Variants in TRIP11 observed in about 807,000 individuals in gnomAD.
TRIP11 encodes thyroid receptor-interacting protein 11.
Under a neutral mutation model 223.1 loss-of-function variants are expected in TRIP11, and 148 were observed. That is an observed-to-expected ratio of 0.66 (90% CI 0.58 to 0.76). TRIP11 has a LOEUF of 0.76. Ranked by LOEUF, TRIP11 falls within the 30% of genes least tolerant of loss-of-function variation. TRIP11 has a pLI of 0.00. For synonymous variants in TRIP11, 762 were observed against 772.6 expected (o/e 0.99, Z 0.23); for missense variants, 2,043 against 2,222.0 (o/e 0.92, Z 1.62).
intron 2 of TRIP11, 48 bp from the exon 3 acceptor site, chr14:92,025,468 T>A (rs1426743339): frequency 2.2e-6 from 3 of 1,339,920 alleles, no homozygotes; most frequent in Non-Finnish European, 2.1e-6. Flanking sequence ...GTAAAACATG[T>A]AATTAGTTAT....
At chr14:91,976,024 A>G (rs1448236381) in intron 17 of TRIP11, 84 bp downstream of exon 17, 20 of 1,336,466 alleles carry the variant, frequency 1.5e-5, no homozygotes, top group South Asian at 6.2e-5. Flanking sequence ...TTAATCACAT[A>G]TAAACATCTA....
chr14:92,017,976 C>G (rs1207166760), intron 4 of TRIP11, among the ~76,000 whole-genome samples: 3 of 151,922 alleles, frequency 2.0e-5, no homozygotes, highest in African/African-American at 7.3e-5. Flanking sequence ...GGGGGGACAA[C>G]AGTTTTACAA....
chr14:92,029,201 C>T (rs1010916117), intron 2 of TRIP11, among the ~76,000 whole-genome samples: 1 of 148,780 alleles, frequency 6.7e-6, no homozygotes, highest in African/African-American at 2.5e-5. Flanking sequence ...AACAAGAAAA[C>T]GGAAAACTTA....
chr14:91,998,482 CATGTACTGACATTCATATT>C (rs1237436147), intron 13 of TRIP11, among the ~76,000 whole-genome samples: 4 of 151,998 alleles, frequency 2.6e-5, no homozygotes, highest in Non-Finnish European at 5.9e-5. Flanking sequence ...CATGGCTTAA[CATGTACTGACATTCATATT>C]ATTGATAGAA....
rs1435066121 is a variant in TRIP11 at position 92,025,340 on chromosome 14, TGTA to T, written c.279_281del (p.Thr94del). The T allele has an allele frequency of 6.2e-7, 1 of 1,613,644 alleles. No homozygotes were observed. Among genetic ancestry groups the T allele is most frequent in the Non-Finnish European group, 8.5e-7 (1 of 1,179,898 alleles). ...TTTGTTGAAGTTGATTTCGGTAACTTGTAGATTGCTGCTTTATTTGAATCTCTG... is the reference window on the plus strand; with the variant it reads ...TTTGTTGAAGTTGATTTCGGTAACTTGATTGCTGCTTTATTTGAATCTCTG... On this transcript the variant is annotated inframe_deletion, in exon 3 of 21. Transcript: ENST00000267622.
intron 4 of TRIP11, among the ~76,000 whole-genome samples, chr14:92,019,312 T>C (rs150539938): frequency 2.8e-4 from 43 of 152,308 alleles, no homozygotes; most frequent in African/African-American, 9.6e-4. Flanking sequence ...TCACCAGGGC[T>C]ATTTGTTTAA....
intron 5 of TRIP11, 91 bp from the exon 6 acceptor site, chr14:92,015,952 T>A: frequency 8.0e-7 from 1 of 1,242,976 alleles, no homozygotes; most frequent in Non-Finnish European, 1.1e-6. Flanking sequence ...TGTGCATTAT[T>A]AAAAAGAATT....
chr14:92,005,169 T>C lies in TRIP11; in HGVS notation c.2807A>G (p.Gln936Arg). ...TCTAAACTCATCCATTTCCTTCTTT[T>C]GCTCTTGTAAAGACTGAAGTAGTTG... ...KMQLLQSLQE[Q>R]KKEMDEFRYQ... Residue 936 changes from glutamine (Q) to arginine (R), a missense_variant, in exon 11 of 21, where the codon CAA (glutamine) becomes CGA (arginine). Gln to Arg is a conservative substitution (Grantham distance 43). Coordinates refer to ENST00000267622, the MANE Select transcript of TRIP11 (RefSeq NM_004239.4). 1 of 1,613,922 alleles carries C rather than the reference T, an allele frequency of 6.2e-7. No individual in the cohort carries two copies. Among genetic ancestry groups the C allele is most frequent in the Non-Finnish European group, 8.5e-7 (1 of 1,180,034 alleles).
At chr14:91,971,514 A>G (rs1244456723) in intron 20 of TRIP11, among the ~76,000 whole-genome samples, 1 of 150,956 alleles carries the variant, frequency 6.6e-6, no homozygotes, top group African/African-American at 2.5e-5. Flanking sequence ...GGGGAAAGGT[A>G]GGAAAGAGGA....
intron 4 of TRIP11, among the ~76,000 whole-genome samples, chr14:92,019,480 G>T (rs967482220): frequency 1.3e-5 from 2 of 152,148 alleles, no homozygotes; most frequent in Non-Finnish European, 1.5e-5. Context: ...CCTCTCTAAA[G>T]CTTATTTTGG....
At chr14:92,033,398 T>A in intron 1 of TRIP11, 145 bp from the exon 2 acceptor site, 1 of 667,130 alleles carries the variant, frequency 1.5e-6, no homozygotes, top group Admixed American at 2.8e-5. Flanking sequence ...ATCGCTTTAT[T>A]TCCATAACAA....
In TRIP11 at chr14:91,976,641, C is replaced by A. The variant is rs144082581; in HGVS notation, c.5261-452G>T. ...TGAGCTGACTAAGAAGCGTATCTAA[C>A]ACAACTAAGACCATGGCTCAGGATG... is the stretch of plus-strand genomic sequence containing the variant. On this transcript the variant is annotated intron_variant, in intron 16 of 20. Transcript: ENST00000267622. Among the ~76,000 whole-genome samples, 291 of 152,254 alleles carry A rather than the reference C, an allele frequency of 1.9e-3. 7 individuals are homozygous for A. Among genetic ancestry groups the A allele is most frequent in the Admixed American group, 0.015 (226 of 15,284 alleles).
rs1472131979 is a variant in TRIP11, at chr14:92,007,710, C to T, written c.1457G>A (p.Ser486Asn). 1.2e-6 allele frequency: 2 copies of T among 1,613,598 alleles called. No homozygotes were observed. Among genetic ancestry groups the T allele is most frequent in the African/African-American group, 2.7e-5 (2 of 74,930 alleles). Residue 486 changes from serine (S) to asparagine (N), a missense_variant, in exon 10 of 21, where the codon AGT (serine) becomes AAT (asparagine). Transcript: ENST00000267622. Reference sequence around the variant, plus strand: ...TATCAGTGTTTCCTTTTCACTAATACTCTGATTGAGTTCTTGTTCCTTTGC... The same window carrying T: ...TATCAGTGTTTCCTTTTCACTAATATTCTGATTGAGTTCTTGTTCCTTTGC... ...LEAKEQELNQ[S>N]ISEKETLIAE... is the part of the protein sequence containing the mutation.
At chr14:92,012,886 G>C (rs2056989540) in intron 7 of TRIP11, among the ~76,000 whole-genome samples, 1 of 152,192 alleles carries the variant, frequency 6.6e-6, no homozygotes, top group Non-Finnish European at 1.5e-5. Flanking sequence ...ATGCAGGGGA[G>C]TAACCTGCTT....
intron 16 of TRIP11, among the ~76,000 whole-genome samples, chr14:91,982,603 T>C (rs188447110): frequency 9.8e-5 from 15 of 152,350 alleles, no homozygotes; most frequent in African/African-American, 3.6e-4. Flanking sequence ...ACAGGTACCC[T>C]TGAATCCACA....
Position 91,966,901 on chromosome 14 carries a change from G to A in TRIP11, c.*2772C>T, listed in dbSNP as rs2056346671. On this transcript the variant is annotated 3_prime_UTR_variant, in exon 21 of 21. Coordinates refer to ENST00000267622, the MANE Select transcript of TRIP11 (RefSeq NM_004239.4). ...TAGAGAAATAAACAGAAAAATTACT[G>A]TAGTTAAAATATTGCAGTTAAACGC... is the stretch of plus-strand genomic sequence containing the variant. 4 of 214,066 alleles carry A rather than the reference G, an allele frequency of 1.9e-5. No individual in the cohort carries two copies. The highest frequency in any genetic ancestry group is 3.8e-5 in the Non-Finnish European group (4 of 106,082). 13.3% of individuals were successfully genotyped at this position (214,066 alleles called of 1,614,324 possible).
intron 4 of TRIP11, among the ~76,000 whole-genome samples, chr14:92,020,797 C>T (rs1280571960): frequency 3.3e-5 from 5 of 152,040 alleles, no homozygotes; most frequent in African/African-American, 4.8e-5. Context: ...AGAGGCCAGG[C>T]GCAGTGGCTC....
intron 3 of TRIP11, 81 bp downstream of exon 3, chr14:92,025,229 C>A: frequency 9.1e-7 from 1 of 1,101,078 alleles, no homozygotes; most frequent in Admixed American, 1.9e-5. Context: ...CTGAATATAC[C>A]TCGATTTATA....
chr14:92,012,066 T>C (rs568556349), intron 7 of TRIP11, among the ~76,000 whole-genome samples: 19 of 152,334 alleles, frequency 1.2e-4, no homozygotes, highest in African/African-American at 4.3e-4. Context: ...TCACAAGTTA[T>C]TGCCTTGATA....
Sources: allele counts gnomAD v4.1 joint callset (sites outside exome capture counted in the v4.1 genomes callset), GRCh38; gene constraint gnomAD v4.1.1; transcripts MANE v1.5; gene names NCBI Gene and HGNC (gene_info 2026-07-23, HGNC 2026-07-21).